Variants in SKAP2 observed in about 807,000 individuals in gnomAD.
SKAP2 encodes src kinase associated phosphoprotein 2.
In SKAP2, 28 loss-of-function variants were observed where a neutral mutation model predicts 54.9. The ratio of observed to expected loss-of-function variants is 0.51; its 90% CI spans 0.38 to 0.70. The LOEUF (loss-of-function observed/expected upper bound fraction) is 0.70, where lower values mean the gene tolerates loss of function less well. SKAP2 is among the 30% of genes least tolerant of loss of function. The pLI, the probability that SKAP2 is intolerant of heterozygous loss-of-function variation, is 0.00. For missense variants in SKAP2, 356 were observed against 424.1 expected, an observed-to-expected ratio of 0.84 and a Z score of 1.41; for synonymous variants, 137 against 134.3, an observed-to-expected ratio of 1.02 and a Z score of -0.14.
At chr7:26,829,370 C>A (rs1784558043) in intron 4 of SKAP2, among the ~76,000 whole-genome samples, 1 of 151,898 alleles carries the variant, frequency 6.6e-6, no homozygotes. Flanking sequence ...CCTGTCTCTA[C>A]AAAAAAATTA....
At chr7:26,694,760 T>C (rs1427558685) in intron 9 of SKAP2, among the ~76,000 whole-genome samples, 2 of 152,020 alleles carry the variant, frequency 1.3e-5, no homozygotes, top group African/African-American at 2.4e-5. Flanking sequence ...AGTTTGAGTC[T>C]TCCCAAATCT....
At chr7:26,793,955 C>T (rs1005926830) in intron 4 of SKAP2, among the ~76,000 whole-genome samples, 3 of 152,144 alleles carry the variant, frequency 2.0e-5, no homozygotes, top group African/African-American at 7.2e-5. Context: ...CAAAAGAAAT[C>T]AAAGCCAGAG....
intron 4 of SKAP2, among the ~76,000 whole-genome samples, chr7:26,762,803 T>TC: frequency 6.6e-6 from 1 of 152,270 alleles, no homozygotes; most frequent in Non-Finnish European, 1.5e-5. Context: ...GGAAAGAAAT[T>TC]TATAACCTCT....
intron 4 of SKAP2, among the ~76,000 whole-genome samples, chr7:26,819,459 T>C (rs1046689888): frequency 6.6e-6 from 1 of 151,664 alleles, no homozygotes; most frequent in African/African-American, 2.4e-5. Context: ...TTAGGAGAAA[T>C]ACCTAATGTA....
chr7:26,774,879 G>A (rs1783270205), intron 4 of SKAP2, among the ~76,000 whole-genome samples: 1 of 152,132 alleles, frequency 6.6e-6, no homozygotes, highest in South Asian at 2.1e-4. Flanking sequence ...GGTAACTGAT[G>A]TAAGTTAACA....
At chr7:26,683,414 A>G (rs1786550022) in intron 11 of SKAP2, among the ~76,000 whole-genome samples, 1 of 152,342 alleles carries the variant, frequency 6.6e-6, no homozygotes, top group African/African-American at 2.4e-5. Flanking sequence ...ACTGAGAGAA[A>G]TAAGTGACCA....
intron 6 of SKAP2, among the ~76,000 whole-genome samples, chr7:26,731,596 G>A (rs1787825395): frequency 6.6e-6 from 1 of 152,054 alleles, no homozygotes; most frequent in Admixed American, 6.6e-5. Context: ...ATCTTCATCT[G>A]CTCACTAAAT....
chr7:26,761,405 T>C (rs1441581596), intron 4 of SKAP2, among the ~76,000 whole-genome samples: 4 of 152,262 alleles, frequency 2.6e-5, no homozygotes, highest in African/African-American at 9.6e-5. Flanking sequence ...ATATCTCATA[T>C]AGTATGTTGC....
chr7:26,664,728 GAAA>G (rs372243207), downstream of SKAP2, among the ~76,000 whole-genome samples: 60 of 111,074 alleles, frequency 5.4e-4, no homozygotes, highest in Non-Finnish European at 6.8e-4. Context: ...AAACTGAAAA[GAAA>G]AAAAAAAAAA....
At chr7:26,791,952 CAT>C (rs1783680860) in intron 4 of SKAP2, among the ~76,000 whole-genome samples, 1 of 152,116 alleles carries the variant, frequency 6.6e-6, no homozygotes, top group Non-Finnish European at 1.5e-5. Context: ...AAACATCCAT[CAT>C]TAGTGAGTAG....
intron 4 of SKAP2, among the ~76,000 whole-genome samples, chr7:26,771,481 G>C (rs2127975054): frequency 6.6e-6 from 1 of 152,212 alleles, no homozygotes; most frequent in East Asian, 1.9e-4. Context: ...CAGTGGATAG[G>C]CACAAAATCT....
intron 6 of SKAP2, among the ~76,000 whole-genome samples, chr7:26,727,232 T>C (rs2106905): frequency 0.82 from 124,023 of 151,992 alleles, 51,214 homozygotes; most frequent in African/African-American, 0.95. Flanking sequence ...TGGTCTTATT[T>C]GGAAGGAAGT....
At chr7:26,810,166 T>A (rs1015796030) in intron 4 of SKAP2, among the ~76,000 whole-genome samples, 3 of 151,820 alleles carry the variant, frequency 2.0e-5, no homozygotes, top group African/African-American at 7.3e-5. Flanking sequence ...CAAGTCTCCA[T>A]CTCCACAAAA....
chr7:26,745,244 T>C (rs1782536868), intron 4 of SKAP2, among the ~76,000 whole-genome samples: 1 of 152,246 alleles, frequency 6.6e-6, no homozygotes, highest in South Asian at 2.1e-4. Context: ...AAAAGACTGT[T>C]GTTATTCCTA....
At chr7:26,741,934 C>T (rs10254460) in intron 4 of SKAP2, among the ~76,000 whole-genome samples, 20,462 of 151,756 alleles carry the variant, frequency 0.13, 1,583 homozygotes, top group African/African-American at 0.22. Context: ...GGTGGATCAA[C>T]TTCACCCAGT....
At chr7:26,733,125 C>T (rs1275124563) in intron 6 of SKAP2, among the ~76,000 whole-genome samples, 2 of 148,776 alleles carry the variant, frequency 1.3e-5, no homozygotes, top group Non-Finnish European at 3.0e-5. Flanking sequence ...AGCGAGACCC[C>T]GTCTCAAAAA....
chr7:26,844,274 A>C (rs1465248739), intron 3 of SKAP2, 137 bp from the exon 4 acceptor site: 1 of 578,570 alleles, frequency 1.7e-6, no homozygotes, highest in Non-Finnish European at 3.1e-6. Context: ...GGAAAAACAA[A>C]GAAAACTTTT....
chr7:26,855,722 C>A (rs900206470), intron 1 of SKAP2, among the ~76,000 whole-genome samples: 10 of 152,010 alleles, frequency 6.6e-5, no homozygotes, highest in Non-Finnish European at 1.5e-5. Context: ...AAAATTCCAA[C>A]AAGTCCTTAC....
chr7:26,772,422 A>G (rs1783207696), intron 4 of SKAP2, among the ~76,000 whole-genome samples: 1 of 151,968 alleles, frequency 6.6e-6, no homozygotes, highest in Non-Finnish European at 1.5e-5. Context: ...TCCTGTTCTC[A>G]TCTCTGTGTT....
Sources: allele counts gnomAD v4.1 joint callset (sites outside exome capture counted in the v4.1 genomes callset), GRCh38; gene constraint gnomAD v4.1.1; transcripts MANE v1.5; gene names NCBI Gene and HGNC (gene_info 2026-07-23, HGNC 2026-07-21).